Variants in CACNA2D1 observed in about 807,000 individuals in gnomAD.
CACNA2D1 encodes calcium voltage-gated channel auxiliary subunit alpha2delta 1.
In CACNA2D1, 53 loss-of-function variants were observed where a neutral mutation model predicts 171.5. The ratio of observed to expected loss-of-function variants is 0.31; its 90% CI spans 0.25 to 0.39. The LOEUF is 0.39. CACNA2D1 is among the 10% of genes least tolerant of loss of function. The pLI is 1.00. For missense variants in CACNA2D1, 903 were observed against 1,299.8 expected (o/e 0.69, Z 4.69); for synonymous variants, 442 against 443.1 (o/e 1.00, Z 0.03).
chr7:82,093,734 G>A (rs7787882), intron 6 of CACNA2D1, among the ~76,000 whole-genome samples: 25,292 of 152,048 alleles, frequency 0.17, 2,337 homozygotes, highest in African/African-American at 0.23. Flanking sequence ...GTCGCACTAA[G>A]ATTCTAGTAA....
chr7:81,970,219 T>C (rs1250613030), intron 27 of CACNA2D1, among the ~76,000 whole-genome samples: 1 of 151,460 alleles, frequency 6.6e-6, no homozygotes, highest in Non-Finnish European at 1.5e-5. Context: ...ACTAGTCAGG[T>C]AACAGGACAA....
intron 11 of CACNA2D1, 162 bp from the exon 12 acceptor site, chr7:82,033,063 C>T (rs890621840): frequency 1.3e-5 from 7 of 548,222 alleles, no homozygotes; most frequent in African/African-American, 5.7e-5. Flanking sequence ...TCAGGCCCAC[C>T]CCCTTCACCA....
chr7:82,369,069 C>T (rs1011513689), intron 1 of CACNA2D1, among the ~76,000 whole-genome samples: 12 of 152,074 alleles, frequency 7.9e-5, no homozygotes, highest in Admixed American at 7.2e-4. Flanking sequence ...TAGAAAATTT[C>T]CAGTCATCTT....
chr7:82,221,850 A>G (rs1801809714), intron 3 of CACNA2D1, among the ~76,000 whole-genome samples: 1 of 151,954 alleles, frequency 6.6e-6, no homozygotes, highest in Non-Finnish European at 1.5e-5. Context: ...TATTTTCTAT[A>G]ATATTTCTTT....
intron 5 of CACNA2D1, among the ~76,000 whole-genome samples, chr7:82,122,561 T>C: frequency 6.6e-6 from 1 of 152,182 alleles, no homozygotes; most frequent in East Asian, 1.9e-4. Flanking sequence ...ATTCCATATG[T>C]AGTATGAAGT....
chr7:82,207,336 G>A (rs1171992378), intron 3 of CACNA2D1, among the ~76,000 whole-genome samples: 1 of 152,150 alleles, frequency 6.6e-6, no homozygotes, highest in African/African-American at 2.4e-5. Context: ...CTCAGTTCAT[G>A]CTTCTGTAAT....
chr7:82,244,574 C>G lies in CACNA2D1; in HGVS notation c.295-73965G>C, dbSNP rs1212372678. 7.2e-5 allele frequency among the ~76,000 whole-genome samples: 11 copies of G among 151,926 alleles called. No homozygotes were observed. In the East Asian group the frequency reaches 2.1e-3, roughly 29 times the overall value. ...AAAACAAGTGGAAGTGAAATAATAT[C>G]ATGACCTGACGTCTTAACATCAGTT... On this transcript the variant is annotated intron_variant, in intron 3 of 38. Coordinates refer to ENST00000356860, the MANE Select transcript of CACNA2D1 (RefSeq NM_000722.4).
chr7:82,293,714 A>T (rs564726379), intron 3 of CACNA2D1, among the ~76,000 whole-genome samples: 1 of 152,282 alleles, frequency 6.6e-6, no homozygotes, highest in Admixed American at 6.5e-5. Flanking sequence ...TCTTGGGTTC[A>T]ACCCAGGGCT....
chr7:82,014,833 C>T (rs998551530), intron 12 of CACNA2D1, among the ~76,000 whole-genome samples: 4 of 152,144 alleles, frequency 2.6e-5, no homozygotes, highest in Non-Finnish European at 5.9e-5. Context: ...GCGGGCAGAT[C>T]ACCTGAGGTC....
At chr7:82,324,808 G>T (rs1038779188) in intron 3 of CACNA2D1, among the ~76,000 whole-genome samples, 1 of 152,132 alleles carries the variant, frequency 6.6e-6, no homozygotes, top group African/African-American at 2.4e-5. Context: ...TTAAGTGGAA[G>T]AAAATAGAGC....
chr7:82,100,520 CT>C (rs949214415), intron 6 of CACNA2D1, among the ~76,000 whole-genome samples: 1 of 152,116 alleles, frequency 6.6e-6, no homozygotes, highest in African/African-American at 2.4e-5. Flanking sequence ...CAACTTCCTT[CT>C]TTCAATTTGT....
rs557547885 is a variant in CACNA2D1, at chr7:82,081,279, G to T, written c.658+3490C>A. ...CTATCAAAATGATATGATCAGAGAA[G>T]TATATATAGTCTCCCCAAAAATTTT... On this transcript the variant is annotated intron_variant, in intron 7 of 38. Coordinates refer to ENST00000356860, the MANE Select transcript of CACNA2D1 (RefSeq NM_000722.4). Among the ~76,000 whole-genome samples, 25 of 152,254 alleles carry T rather than the reference G, an allele frequency of 1.6e-4. 1 individual carries two copies. The South Asian group carries it at 5.2e-3, about 32-fold the overall frequency.
intron 1 of CACNA2D1, among the ~76,000 whole-genome samples, chr7:82,434,746 A>G (rs746216637): frequency 1.3e-5 from 2 of 152,216 alleles, no homozygotes; most frequent in Middle Eastern, 3.4e-3. Context: ...ACTTGTCTCC[A>G]TATTCTCAAC....
At chr7:82,259,054 C>A (rs1342618503) in intron 3 of CACNA2D1, among the ~76,000 whole-genome samples, 1 of 152,060 alleles carries the variant, frequency 6.6e-6, no homozygotes, top group African/African-American at 2.4e-5. Context: ...GTCTTGAAAT[C>A]CTGACCTCAA....
intron 3 of CACNA2D1, among the ~76,000 whole-genome samples, chr7:82,204,999 G>A (rs116103083): frequency 4.6e-5 from 7 of 152,180 alleles, no homozygotes; most frequent in Non-Finnish European, 1.0e-4. Flanking sequence ...CGGAGTCACT[G>A]TTGTCTGTCA....
chr7:82,240,509 A>G (rs1047948659), intron 3 of CACNA2D1, among the ~76,000 whole-genome samples: 7 of 152,216 alleles, frequency 4.6e-5, no homozygotes, highest in Non-Finnish European at 1.0e-4. Context: ...TTAAAATCTC[A>G]AAGTTTAGAG....
chr7:82,002,106 A>C (rs917814598), intron 18 of CACNA2D1, among the ~76,000 whole-genome samples: 1 of 149,832 alleles, frequency 6.7e-6, no homozygotes, highest in Non-Finnish European at 1.5e-5. Context: ...AAATATTTTT[A>C]ATGTCCATCC....
chr7:82,141,677 T>C (rs1792411697), intron 4 of CACNA2D1, among the ~76,000 whole-genome samples: 1 of 152,256 alleles, frequency 6.6e-6, no homozygotes, highest in Admixed American at 6.5e-5. Flanking sequence ...TGACCTCGTA[T>C]ATATGAAAAA....
At chr7:82,006,169 G>A (rs974346817) in intron 16 of CACNA2D1, among the ~76,000 whole-genome samples, 1 of 151,876 alleles carries the variant, frequency 6.6e-6, no homozygotes, top group Non-Finnish European at 1.5e-5. Context: ...TTATAGCTGT[G>A]TGTCTATATA....
Sources: gnomAD v4.1 joint callset for allele counts (sites outside exome capture counted in the v4.1 genomes callset) on GRCh38, gnomAD v4.1.1 for gene constraint, MANE v1.5 for transcripts, NCBI Gene and HGNC (gene_info 2026-07-23, HGNC 2026-07-21) for gene names.